Variants in RNF38 observed in about 807,000 individuals in gnomAD.
RNF38 encodes the protein E3 ubiquitin-protein ligase RNF38.
A neutral mutation model predicts 67.2 loss-of-function variants in RNF38; 15 were observed. That is an observed-to-expected ratio of 0.22 (90% CI 0.15 to 0.34). RNF38 has a LOEUF of 0.34. Ranked by LOEUF, RNF38 falls within the 10% of genes least tolerant of loss-of-function variation. The pLI, the probability that RNF38 is intolerant of heterozygous loss-of-function variation, is 1.00. For missense variants in RNF38, 524 were observed against 639.9 expected, an observed-to-expected ratio of 0.82 and a Z score of 1.95; for synonymous variants, 220 against 218.8, an observed-to-expected ratio of 1.01 and a Z score of -0.05.
intron 2 of RNF38, among the ~76,000 whole-genome samples, chr9:36,379,889 G>C (rs189692239): frequency 1.3e-4 from 20 of 152,312 alleles, no homozygotes; most frequent in Non-Finnish European, 1.8e-4. Flanking sequence ...ATCTGACCTT[G>C]TCATCTAAAG....
intron 9 of RNF38, among the ~76,000 whole-genome samples, chr9:36,349,551 T>C (rs570697921): frequency 6.6e-6 from 1 of 152,324 alleles, no homozygotes; most frequent in South Asian, 2.1e-4. Context: ...ATGTTTTTCA[T>C]ATTTTCTCCC....
At chr9:36,370,359 T>C (rs1835284125) in intron 3 of RNF38, among the ~76,000 whole-genome samples, 1 of 152,174 alleles carries the variant, frequency 6.6e-6, no homozygotes, top group African/African-American at 2.4e-5. Flanking sequence ...TTTGTCTATT[T>C]AGCTAACACA....
chr9:36,459,077 G>A (rs1354910141), intron 1 of RNF38, among the ~76,000 whole-genome samples: 2 of 151,936 alleles, frequency 1.3e-5, no homozygotes, highest in African/African-American at 4.8e-5. Context: ...GCGTGGTAGT[G>A]CAGGCCTGCA....
chr9:36,398,356 CCCAGAAGTTCGAGT>C (rs1837706065), intron 1 of RNF38, among the ~76,000 whole-genome samples: 2 of 151,992 alleles, frequency 1.3e-5, no homozygotes, highest in South Asian at 4.2e-4. Context: ...ATCACCTGGG[CCCAGAAGTTCGAGT>C]CCAGAAGGGA....
At position 36,400,255 on chromosome 9, in the gene RNF38, CG is replaced by C; in HGVS notation, c.-148del. 7.3e-7 allele frequency: 1 copy of C among 1,371,222 alleles called. No individual in the cohort carries two copies. Among genetic ancestry groups the C allele is most frequent in the East Asian group, 2.7e-5 (1 of 37,636 alleles). The allele number at this position is 1,371,222 out of a possible 1,614,324, so 84.9% of individuals were successfully genotyped here. A position where few individuals can be genotyped will look rare whatever the true frequency, so the allele number is the denominator to read the frequency against. On this transcript the variant is annotated 5_prime_UTR_variant, in exon 1 of 12. Transcript: ENST00000259605. Reference sequence around the variant, plus strand: ...AAAACGCAGCCTATCCAGAAACCCACGGAAGCAGAAGGACGCCAGAGAGGAC... The same window carrying C: ...AAAACGCAGCCTATCCAGAAACCCACGAAGCAGAAGGACGCCAGAGAGGAC...
chr9:36,393,921 C>T (rs762781027), intron 1 of RNF38, among the ~76,000 whole-genome samples: 12 of 152,074 alleles, frequency 7.9e-5, no homozygotes, highest in African/African-American at 4.8e-5. Flanking sequence ...AATGGGGGAC[C>T]TCAGTCCTAT....
intron 2 of RNF38, among the ~76,000 whole-genome samples, chr9:36,407,607 G>A (rs1040550607): frequency 2.2e-4 from 33 of 152,194 alleles, no homozygotes; most frequent in African/African-American, 7.7e-4. Flanking sequence ...AGGGTAACCA[G>A]GCAGGAGCTG....
chr9:36,460,908 A>C (rs1839717231), intron 1 of RNF38, among the ~76,000 whole-genome samples: 5 of 131,290 alleles, frequency 3.8e-5, no homozygotes, highest in Admixed American at 3.8e-4. Flanking sequence ...AAAAAAAAAG[A>C]AAGAAAGAAA....
intron 2 of RNF38, among the ~76,000 whole-genome samples, chr9:36,381,764 T>C (rs1213938053): frequency 2.6e-5 from 4 of 152,254 alleles, no homozygotes; most frequent in Non-Finnish European, 2.9e-5. Flanking sequence ...TTTCCATGTA[T>C]TGATTTATGA....
At chr9:36,388,993 T>TA (rs1343893016) in intron 2 of RNF38, among the ~76,000 whole-genome samples, 1 of 152,100 alleles carries the variant, frequency 6.6e-6, no homozygotes, top group Non-Finnish European at 1.5e-5. Flanking sequence ...AAGGTATCAG[T>TA]ATCTCAAAGG....
chr9:36,458,766 C>T lies in RNF38; in HGVS notation n.241+28542G>A, dbSNP rs189875943. 2.9e-3 allele frequency among the ~76,000 whole-genome samples: 440 copies of T among 152,284 alleles called. 2 individuals are homozygous for T. Among genetic ancestry groups the T allele is most frequent in the Non-Finnish European group, 4.9e-3 (331 of 68,030 alleles). ...TTCATTCTTGAAATCAAGAACACACCGGAAGGAATAAATTCCAGACACAGT... is the reference window on the plus strand; with the variant it reads ...TTCATTCTTGAAATCAAGAACACACTGGAAGGAATAAATTCCAGACACAGT... On this transcript the variant is annotated intron_variant and non_coding_transcript_variant, in intron 1 of 3. Coordinates refer to the RNF38 transcript ENST00000488058.
At chr9:36,457,365 T>C (rs1174233048) in intron 1 of RNF38, among the ~76,000 whole-genome samples, 1 of 152,210 alleles carries the variant, frequency 6.6e-6, no homozygotes, top group Non-Finnish European at 1.5e-5. Context: ...AACCATTTAA[T>C]TGGCAATTAA....
intron 1 of RNF38, among the ~76,000 whole-genome samples, chr9:36,458,738 G>A (rs62546164): frequency 0.013 from 2,012 of 152,240 alleles, 20 homozygotes; most frequent in Middle Eastern, 0.027. Flanking sequence ...GAGGGTCCGC[G>A]GCTTCATTCT....
intron 2 of RNF38, among the ~76,000 whole-genome samples, chr9:36,380,251 G>A (rs752064037): frequency 1.3e-5 from 2 of 152,234 alleles, no homozygotes; most frequent in African/African-American, 2.4e-5. Context: ...CCCAGGTAGA[G>A]TGCAATGGCA....
intron 1 of RNF38, among the ~76,000 whole-genome samples, chr9:36,447,907 A>G (rs1377437645): frequency 6.6e-6 from 1 of 152,232 alleles, no homozygotes; most frequent in African/African-American, 2.4e-5. Flanking sequence ...GTGTGCATTA[A>G]CTACTCTCAT....
At chr9:36,448,774 C>T (rs1839365617) in intron 1 of RNF38, among the ~76,000 whole-genome samples, 1 of 152,082 alleles carries the variant, frequency 6.6e-6, no homozygotes, top group South Asian at 2.1e-4. Context: ...GAGACAGAGG[C>T]GGGCGGACTG....
At chr9:36,445,929 T>C (rs1587149209) in intron 1 of RNF38, among the ~76,000 whole-genome samples, 1 of 152,202 alleles carries the variant, frequency 6.6e-6, no homozygotes, top group South Asian at 2.1e-4. Context: ...TTCAGAGCCG[T>C]TGCCACACAG....
At position 36,400,230 on chromosome 9, in the gene RNF38, A is replaced by C; in HGVS notation, c.-122T>G. The C allele has an allele frequency of 1.4e-6, 2 of 1,458,468 alleles. No homozygotes were observed. The highest frequency in any genetic ancestry group is 1.8e-6 in the Non-Finnish European group (2 of 1,104,342). 90.3% of individuals were successfully genotyped at this position (1,458,468 alleles called of 1,614,324 possible). A position where few individuals can be genotyped will look rare whatever the true frequency, so the allele number is the denominator to read the frequency against. The stretch of plus-strand genomic sequence containing the variant: ...GGAAGAACTTGCATCCCCTGAGAAC[A>C]AAACGCAGCCTATCCAGAAACCCAC... On this transcript the variant is annotated 5_prime_UTR_variant, in exon 1 of 12. Transcript: ENST00000259605.
intron 1 of RNF38, among the ~76,000 whole-genome samples, chr9:36,466,106 AC>A (rs1011756432): frequency 2.6e-5 from 4 of 152,168 alleles, no homozygotes; most frequent in Non-Finnish European, 5.9e-5. Flanking sequence ...ACATAGATGA[AC>A]CTGAAAATAC....
Sources: gnomAD v4.1 joint callset for allele counts (sites outside exome capture counted in the v4.1 genomes callset) on GRCh38, gnomAD v4.1.1 for gene constraint, MANE v1.5 for transcripts, NCBI Gene and HGNC (gene_info 2026-07-23, HGNC 2026-07-21) for gene names.